The following FGF14 variants were observed in gnomAD, a reference collection of about 807,000 sequenced individuals.
FGF14 encodes the protein fibroblast growth factor homologous factor 4.
Under a neutral mutation model 25.5 loss-of-function variants are expected in FGF14, and 5 were observed. The ratio of observed to expected loss-of-function variants is 0.20; its 90% CI spans 0.10 to 0.41. FGF14 has a LOEUF of 0.41. Among genes scored for constraint, FGF14 ranks in the 10% least tolerant of loss-of-function variants. The pLI is 1.00. For synonymous variants in FGF14, 138 were observed against 118.3 expected, an observed-to-expected ratio of 1.17 and a Z score of -1.08; for missense variants, 222 against 320.1, an observed-to-expected ratio of 0.69 and a Z score of 2.34.
At chr13:101,919,051 T>C (rs2033797860), upstream of FGF14, among the ~76,000 whole-genome samples, 1 of 152,216 alleles carries the variant, frequency 6.6e-6, no homozygotes, top group African/African-American at 2.4e-5. Flanking sequence ...TTCCATTTTT[T>C]TGTGAGTGTG....
chr13:101,722,657 G>A lies in FGF14; in HGVS notation c.*174C>T. 1 of 787,168 alleles carries A rather than the reference G, an allele frequency of 1.3e-6. No homozygotes were observed. The highest frequency in any genetic ancestry group is 2.7e-5 in the East Asian group (1 of 36,926). 48.8% of individuals were successfully genotyped at this position (787,168 alleles called of 1,614,324 possible). On this transcript the variant is annotated 3_prime_UTR_variant, in exon 5 of 5. Coordinates refer to ENST00000376143, the MANE Select transcript of FGF14 (RefSeq NM_004115.4). ...TTATCCAGGTGTCTTCTTGTTGTGG[G>A]GGGTGCAACAGGTTGAGATTTATCC...
chr13:101,959,406 C>T (rs1157694951), intron 1 of FGF14, among the ~76,000 whole-genome samples: 1 of 152,120 alleles, frequency 6.6e-6, no homozygotes, highest in Middle Eastern at 3.2e-3. Flanking sequence ...TGTTTAACTA[C>T]AGGTATATTA....
intron 1 of FGF14, among the ~76,000 whole-genome samples, chr13:102,232,462 A>T (rs1594510536): frequency 6.6e-6 from 1 of 152,364 alleles, no homozygotes; most frequent in East Asian, 1.9e-4. Flanking sequence ...TATTGCTAAT[A>T]AAACTACCAC....
intron 1 of FGF14, among the ~76,000 whole-genome samples, chr13:102,096,658 C>A (rs943693767): frequency 6.6e-6 from 1 of 152,022 alleles, no homozygotes; most frequent in Non-Finnish European, 1.5e-5. Context: ...ATTTTTCAAG[C>A]ACGTGCAGTT....
At chr13:102,379,550 A>G (rs2058131245) in intron 1 of FGF14, among the ~76,000 whole-genome samples, 1 of 151,992 alleles carries the variant, frequency 6.6e-6, no homozygotes, top group Admixed American at 6.6e-5. Context: ...ACACACATAT[A>G]CACATCCAAT....
At chr13:102,395,754 G>A (rs2058566284) in intron 1 of FGF14, 1 of 152,190 alleles carries the variant, frequency 6.6e-6, no homozygotes, top group Non-Finnish European at 1.5e-5. Flanking sequence ...CAAAGGCAGT[G>A]GTGCCCAGCA....
At position 101,722,806 on chromosome 13, in the gene FGF14, A is replaced by C; in HGVS notation, c.*25T>G. On this transcript the variant is annotated 3_prime_UTR_variant, in exon 5 of 5. Coordinates refer to ENST00000376143, the MANE Select transcript of FGF14 (RefSeq NM_004115.4). ...CACTCAACTGTGCTCAGGACGAATA[A>C]GTCACAACACCTGTGAGGATCTGGC... 1 of 1,612,978 alleles carries C rather than the reference A, an allele frequency of 6.2e-7. No individual in the cohort carries two copies.
chr13:101,800,015 G>T (rs1415970351), intron 3 of FGF14, among the ~76,000 whole-genome samples: 1 of 152,068 alleles, frequency 6.6e-6, no homozygotes, highest in Non-Finnish European at 1.5e-5. Context: ...GATTTTTAAG[G>T]AATGTTCCCT....
At chr13:102,261,455 A>T (rs1368458587) in intron 1 of FGF14, among the ~76,000 whole-genome samples, 1 of 152,244 alleles carries the variant, frequency 6.6e-6, no homozygotes, top group Non-Finnish European at 1.5e-5. Context: ...AGCTGGAAGC[A>T]GCATCCAAAT....
intron 3 of FGF14, among the ~76,000 whole-genome samples, chr13:101,859,522 T>A (rs1362762112): frequency 6.6e-6 from 1 of 152,142 alleles, no homozygotes; most frequent in Non-Finnish European, 1.5e-5. Flanking sequence ...AAAGAGCAAA[T>A]AAATGAATTC....
chr13:102,365,738 A>G (rs930130749), intron 1 of FGF14, among the ~76,000 whole-genome samples: 1 of 151,488 alleles, frequency 6.6e-6, no homozygotes, highest in Admixed American at 6.6e-5. Flanking sequence ...TTATGTATAT[A>G]TGTGTGTGTG....
At chr13:102,232,391 A>C (rs2051125682) in intron 1 of FGF14, among the ~76,000 whole-genome samples, 1 of 152,200 alleles carries the variant, frequency 6.6e-6, no homozygotes, top group Admixed American at 6.5e-5. Flanking sequence ...CAAGAAATTT[A>C]AATAAGAAAT....
chr13:101,922,919 T>C (rs2034110215), intron 1 of FGF14, among the ~76,000 whole-genome samples: 1 of 152,112 alleles, frequency 6.6e-6, no homozygotes, highest in Non-Finnish European at 1.5e-5. Flanking sequence ...TTCTATCATG[T>C]TATTTTTCCA....
chr13:102,360,760 T>C (rs968211322), intron 1 of FGF14, among the ~76,000 whole-genome samples: 6 of 152,148 alleles, frequency 3.9e-5, no homozygotes, highest in Non-Finnish European at 8.8e-5. Flanking sequence ...ACTTCTTAGA[T>C]GGACTTTTAC....
chr13:101,820,011 T>C (rs2042033826), intron 3 of FGF14, among the ~76,000 whole-genome samples: 1 of 152,196 alleles, frequency 6.6e-6, no homozygotes, highest in South Asian at 2.1e-4. Context: ...AAAATCAGCT[T>C]TCCTAGCTAT....
At position 101,812,626 on chromosome 13, in the gene FGF14, TA is replaced by T. The variant is rs1566930970; in HGVS notation, c.408+56098del. Among the ~76,000 whole-genome samples, 33 of 9,860 alleles carry T rather than the reference TA, an allele frequency of 3.3e-3. 1 individual carries two copies. Among genetic ancestry groups the T allele is most frequent in the East Asian group, 0.029 (9 of 312 alleles). 6.5% of individuals were successfully genotyped at this position (9,860 alleles called of 152,430 possible). A position where few individuals can be genotyped will look rare whatever the true frequency, so the allele number is the denominator to read the frequency against. On this transcript the variant is annotated intron_variant, in intron 3 of 4. Coordinates refer to ENST00000376143, the MANE Select transcript of FGF14 (RefSeq NM_004115.4). ...ATTTTTAAAACTATATATATATATA[TA>T]TATATATATATATATATATATATAT... is the stretch of plus-strand genomic sequence containing the variant.
intron 1 of FGF14, among the ~76,000 whole-genome samples, chr13:102,309,081 T>C (rs1405292500): frequency 3.3e-5 from 5 of 150,700 alleles, no homozygotes; most frequent in Non-Finnish European, 7.4e-5. Context: ...ACTTGGTTAA[T>C]GGGATTAAAT....
intron 1 of FGF14, among the ~76,000 whole-genome samples, chr13:102,150,306 T>C (rs2047028174): frequency 6.6e-6 from 1 of 151,932 alleles, no homozygotes; most frequent in Non-Finnish European, 1.5e-5. Flanking sequence ...TTTTTTTTTT[T>C]TCTTAAATAA....
chr13:101,925,293 C>T (rs2139197227), intron 1 of FGF14, among the ~76,000 whole-genome samples: 1 of 152,260 alleles, frequency 6.6e-6, no homozygotes, highest in South Asian at 2.1e-4. Flanking sequence ...ACTGAGAAGA[C>T]ACAAATGCAG....
Sources: allele counts gnomAD v4.1 joint callset (sites outside exome capture counted in the v4.1 genomes callset), GRCh38; gene constraint gnomAD v4.1.1; transcripts MANE v1.5; gene names NCBI Gene and HGNC (gene_info 2026-07-23, HGNC 2026-07-21).